The following PCDH7 variants were observed in gnomAD, a reference collection of about 807,000 sequenced individuals.
PCDH7 encodes protocadherin-7.
In PCDH7, 17 loss-of-function variants were observed where a neutral mutation model predicts 58.9. The ratio of observed to expected loss-of-function variants is 0.29; its 90% CI spans 0.20 to 0.43. The LOEUF (loss-of-function observed/expected upper bound fraction) is 0.43. PCDH7 is among the 20% of genes least tolerant of loss of function. The pLI, the probability that PCDH7 is intolerant of heterozygous loss-of-function variation, is 1.00. For missense variants in PCDH7, 1,274 were observed against 1,441.0 expected (o/e 0.88, Z 1.88); for synonymous variants, 664 against 616.4 (o/e 1.08, Z -1.14).
rs1331036168 is a variant in PCDH7 at position 30,723,357 on chromosome 4, C to A, written c.1935C>A (p.Thr645=). The change falls in exon 1 of 2, where the codon ACC becomes ACA. Residue 645 remains threonine (T), a synonymous_variant. Coordinates refer to ENST00000361762, the Ensembl canonical transcript of PCDH7. This position sits in a 1 kb window ranked among gnomAD's most constrained non-coding sequence, Gnocchi z 4.6. ...CTAAGTTTATGCAGGACGTCTTCAC[C>A]TTTTATGTGAAAGAAAACTTGCAGC... The A allele has an allele frequency of 1.4e-5, 23 of 1,614,120 alleles. No homozygotes were observed. Among genetic ancestry groups the A allele is most frequent in the Non-Finnish European group, 1.9e-5 (22 of 1,180,060 alleles).
At chr4:30,964,703 T>C (rs1178023668) in intron 3 of PCDH7, among the ~76,000 whole-genome samples, 1 of 151,708 alleles carries the variant, frequency 6.6e-6, no homozygotes, top group Non-Finnish European at 1.5e-5. Flanking sequence ...GTAGAAGTAC[T>C]AGAAGTACTG....
At chr4:31,138,688 T>C (rs1335327997) in intron 3 of PCDH7, among the ~76,000 whole-genome samples, 1 of 152,186 alleles carries the variant, frequency 6.6e-6, no homozygotes, top group Non-Finnish European at 1.5e-5. Context: ...GATTGTTTGC[T>C]AGTTTGATGG....
At chr4:30,875,410 A>G in intron 1 of PCDH7, among the ~76,000 whole-genome samples, 1 of 152,006 alleles carries the variant, frequency 6.6e-6, no homozygotes, top group Non-Finnish European at 1.5e-5. Context: ...TAAGACTTTC[A>G]CGTATGGATT....
intron 3 of PCDH7, among the ~76,000 whole-genome samples, chr4:31,021,872 A>G (rs1754048388): frequency 6.6e-6 from 1 of 152,122 alleles, no homozygotes. Context: ...TGAGGAAGTT[A>G]TTTTCTTTTG....
At chr4:30,830,603 C>A (rs1222988481) in intron 1 of PCDH7, among the ~76,000 whole-genome samples, 1 of 151,938 alleles carries the variant, frequency 6.6e-6, no homozygotes, top group Admixed American at 6.6e-5. Flanking sequence ...TTTATCTTGA[C>A]TCTCTTTCCT....
intron 1 of PCDH7, among the ~76,000 whole-genome samples, chr4:30,754,384 C>G (rs1357220154): frequency 6.6e-6 from 1 of 152,096 alleles, no homozygotes. Flanking sequence ...AAGTGTATCA[C>G]TTTATTATTT....
At chr4:30,940,426 A>G (rs1410086354) in intron 2 of PCDH7, among the ~76,000 whole-genome samples, 1 of 152,070 alleles carries the variant, frequency 6.6e-6, no homozygotes, top group East Asian at 1.9e-4. Context: ...AAATCCCAAC[A>G]TTATAGCCAC....
At chr4:30,724,504 A>C in exon 1 of PCDH7, 1 of 1,614,174 alleles carries the variant, frequency 6.2e-7, no homozygotes, top group Non-Finnish European at 8.5e-7. Context: ...ACCACCAGCC[A>C]ACACATTTGT....
At chr4:31,029,130 T>A (rs549461460) in intron 3 of PCDH7, among the ~76,000 whole-genome samples, 1 of 152,376 alleles carries the variant, frequency 6.6e-6, no homozygotes, top group African/African-American at 2.4e-5. Flanking sequence ...GATTTTGAAA[T>A]GCCTTGTTAA....
chr4:31,065,705 T>C (rs1758030199), intron 3 of PCDH7, among the ~76,000 whole-genome samples: 1 of 151,914 alleles, frequency 6.6e-6, no homozygotes, highest in Admixed American at 6.6e-5. Context: ...TCACTTTATG[T>C]TTTTGTGCTT....
intron 3 of PCDH7, among the ~76,000 whole-genome samples, chr4:31,134,862 G>GGTGAAT (rs1401355743): frequency 6.6e-6 from 1 of 152,128 alleles, no homozygotes; most frequent in African/African-American, 2.4e-5. Flanking sequence ...AAGTTCTAAA[G>GGTGAAT]GTGAATGCAA....
intron 1 of PCDH7, among the ~76,000 whole-genome samples, chr4:30,766,168 C>G (rs1220525170): frequency 6.6e-6 from 1 of 151,350 alleles, no homozygotes; most frequent in African/African-American, 2.4e-5. Context: ...CAAAATGTCA[C>G]TGTGTTATAA....
chr4:31,054,180 G>A (rs746241794), intron 3 of PCDH7, among the ~76,000 whole-genome samples: 1 of 152,040 alleles, frequency 6.6e-6, no homozygotes, highest in Admixed American at 6.6e-5. Context: ...TGCCCAGGCT[G>A]GTCTCAAACT....
intron 3 of PCDH7, among the ~76,000 whole-genome samples, chr4:31,138,441 G>A (rs1719878452): frequency 6.6e-6 from 1 of 151,976 alleles, no homozygotes; most frequent in Non-Finnish European, 1.5e-5. Flanking sequence ...TTGTTCAGAT[G>A]GTTATGAGTA....
intron 3 of PCDH7, among the ~76,000 whole-genome samples, chr4:31,067,009 A>C (rs1399098490): frequency 2.0e-5 from 3 of 151,998 alleles, no homozygotes; most frequent in Non-Finnish European, 4.4e-5. Context: ...ATAGAGTAGA[A>C]CAAGGACTGG....
intron 3 of PCDH7, among the ~76,000 whole-genome samples, chr4:31,123,939 A>G (rs1717987011): frequency 6.6e-6 from 1 of 151,966 alleles, no homozygotes; most frequent in African/African-American, 2.4e-5. Context: ...TTAGTCTCCA[A>G]TGTCCAGCTG....
intron 3 of PCDH7, among the ~76,000 whole-genome samples, chr4:31,003,569 C>A (rs1752526097): frequency 6.6e-6 from 1 of 152,030 alleles, no homozygotes; most frequent in Non-Finnish European, 1.5e-5. Flanking sequence ...ATCGGAACTG[C>A]TCCAAAGAGC....
At chr4:30,848,525 G>C (rs914222454) in intron 1 of PCDH7, among the ~76,000 whole-genome samples, 1 of 152,080 alleles carries the variant, frequency 6.6e-6, no homozygotes, top group Non-Finnish European at 1.5e-5. Context: ...AATGAGGGCT[G>C]TGTGCCTAAA....
intron 3 of PCDH7, among the ~76,000 whole-genome samples, chr4:31,028,877 T>C (rs992878024): frequency 2.6e-4 from 40 of 152,232 alleles, no homozygotes; most frequent in African/African-American, 8.9e-4. Context: ...AAACAAATTA[T>C]TGTGTCATAA....
Sources: allele counts gnomAD v4.1 joint callset (sites outside exome capture counted in the v4.1 genomes callset), GRCh38; gene constraint gnomAD v4.1.1; non-coding constraint Gnocchi (gnomAD v3.1); transcripts MANE v1.5; gene names NCBI Gene and HGNC (gene_info 2026-07-23, HGNC 2026-07-21).